MEGF10: variants seen among roughly 807,000 people sequenced by gnomAD.
MEGF10 encodes multiple EGF like domains 10, also known as multiple epidermal growth factor-like domains protein 10.
Under a neutral mutation model 147.5 loss-of-function variants are expected in MEGF10, and 86 were observed. The ratio of observed to expected loss-of-function variants is 0.58; its 90% CI spans 0.49 to 0.70. The LOEUF is 0.70. MEGF10 is among the 30% of genes least tolerant of loss of function. The pLI is 0.00. For missense variants in MEGF10, 1,329 were observed against 1,487.3 expected (o/e 0.89, Z 1.75); for synonymous variants, 478 against 525.5 (o/e 0.91, Z 1.24).
At chr5:127,370,051 G>T (rs778842943) in intron 5 of MEGF10, 49 bp downstream of exon 5, 1 of 1,441,058 alleles carries the variant, frequency 6.9e-7, no homozygotes, top group Non-Finnish European at 9.7e-7. Flanking sequence ...TTGCTGTAAG[G>T]CCCTCCTTGT....
At chr5:127,318,296 G>T (rs1428245816) in intron 1 of MEGF10, among the ~76,000 whole-genome samples, 2 of 152,162 alleles carry the variant, frequency 1.3e-5, no homozygotes, top group East Asian at 3.9e-4. Context: ...TATGGCACTA[G>T]GTTGTAGCAG....
intron 4 of MEGF10, among the ~76,000 whole-genome samples, chr5:127,344,176 T>A (rs1268963858): frequency 1.3e-5 from 2 of 152,180 alleles, no homozygotes; most frequent in African/African-American, 2.4e-5. Context: ...ACCAGTGAGC[T>A]AGACCCTAAA....
At position 127,400,954 on chromosome 5, in the gene MEGF10, A is replaced by G. The variant is rs983539346; in HGVS notation, c.781-1592A>G. 3.9e-5 allele frequency among the ~76,000 whole-genome samples: 6 copies of G among 152,240 alleles called. 1 individual carries two copies. Among genetic ancestry groups the G allele is most frequent in the Admixed American group, 3.9e-4 (6 of 15,288 alleles). The stretch of plus-strand genomic sequence containing the variant: ...CTGTCATCCTAGGTGCTTTTCAAAG[A>G]TGAATATATATTCCTATAGACACAC... On this transcript the variant is annotated intron_variant, in intron 7 of 24. Transcript: ENST00000503335.
At chr5:127,305,662 C>G (rs1049379393) in intron 1 of MEGF10, among the ~76,000 whole-genome samples, 1 of 152,112 alleles carries the variant, frequency 6.6e-6, no homozygotes, top group African/African-American at 2.4e-5. Flanking sequence ...ATGTGGAGCT[C>G]TGCCAAGCTA....
At chr5:127,301,389 C>G (rs186547783) in intron 1 of MEGF10, among the ~76,000 whole-genome samples, 53 of 151,600 alleles carry the variant, frequency 3.5e-4, no homozygotes, top group Non-Finnish European at 6.3e-4. Flanking sequence ...AAAATAGGAG[C>G]ATTTTTTTTT....
At chr5:127,397,098 A>G (rs1763946257) in intron 6 of MEGF10, among the ~76,000 whole-genome samples, 2 of 151,958 alleles carry the variant, frequency 1.3e-5, no homozygotes, top group African/African-American at 4.8e-5. Flanking sequence ...CATATTTGGG[A>G]TTCTGTTTGG....
chr5:127,359,593 C>A (rs759177972), intron 4 of MEGF10, among the ~76,000 whole-genome samples: 1 of 152,030 alleles, frequency 6.6e-6, no homozygotes, highest in Non-Finnish European at 1.5e-5. Context: ...TAGATTGCTT[C>A]GTATTTTCTA....
intron 1 of MEGF10, among the ~76,000 whole-genome samples, chr5:127,330,054 CTA>C (rs1761193591): frequency 6.6e-6 from 1 of 152,158 alleles, no homozygotes; most frequent in Non-Finnish European, 1.5e-5. Flanking sequence ...AGGAGGGCTT[CTA>C]TGAGTCCCAT....
At position 127,426,625 on chromosome 5, in the gene MEGF10, G is replaced by T. The variant is rs191917608; in HGVS notation, c.1693+3853G>T. Among the ~76,000 whole-genome samples, 86 of 152,260 alleles carry T rather than the reference G, an allele frequency of 5.6e-4. 1 individual carries two copies. Among genetic ancestry groups the T allele is most frequent in the Non-Finnish European group, 8.1e-4 (55 of 68,018 alleles). On this transcript the variant is annotated intron_variant, in intron 13 of 24. Coordinates refer to ENST00000503335, the MANE Select transcript of MEGF10 (RefSeq NM_001256545.2). ...TAAAATGAGGCTCGCTTTTCAAAAT[G>T]ATTATACTGAAATTTCAGATGTCAA...
At chr5:127,285,562 A>G in the MEGF10 span, among the ~76,000 whole-genome samples, 1 of 152,116 alleles carries the variant, frequency 6.6e-6, no homozygotes. Flanking sequence ...TAGTAAGGAA[A>G]TAGAAGACTT....
At chr5:127,285,301 G>A in the MEGF10 span, among the ~76,000 whole-genome samples, 3 of 152,150 alleles carry the variant, frequency 2.0e-5, no homozygotes, top group African/African-American at 7.2e-5. Context: ...AAGATGGACT[G>A]CATATACAAA....
chr5:127,373,504 T>C (rs1338364401), intron 5 of MEGF10, among the ~76,000 whole-genome samples: 1 of 152,178 alleles, frequency 6.6e-6, no homozygotes, highest in Non-Finnish European at 1.5e-5. Flanking sequence ...GCTTTCTTAC[T>C]TTCTGGTGCT....
At chr5:127,329,508 GTTGT>G (rs1398602189) in intron 1 of MEGF10, among the ~76,000 whole-genome samples, 1 of 151,940 alleles carries the variant, frequency 6.6e-6, no homozygotes, top group Non-Finnish European at 1.5e-5. Context: ...ATTTCCTAAA[GTTGT>G]TTGTTTTTTG....
intron 16 of MEGF10, among the ~76,000 whole-genome samples, chr5:127,436,570 A>C (rs970115183): frequency 4.6e-5 from 7 of 152,214 alleles, no homozygotes; most frequent in African/African-American, 1.2e-4. Flanking sequence ...GGAAGAGTAA[A>C]AGGTCCAATA....
chr5:127,396,577 A>G lies in MEGF10; in HGVS notation c.458A>G (p.Gln153Arg). The G allele has an allele frequency of 6.3e-7, 1 of 1,598,830 alleles. No homozygotes were observed. The highest frequency in any genetic ancestry group is 8.5e-7 in the Non-Finnish European group (1 of 1,169,866). ...HWGPHCTSRC[Q>R]CKNGALCNPI... is the part of the protein sequence containing the mutation. The stretch of plus-strand genomic sequence containing the variant: ...GGTCCCCACTGCACCAGCCGGTGCC[A>G]GTGCAAAAATGGGGCTCTGTGCAAC... Residue 153 changes from glutamine (Q) to arginine (R), a missense_variant, in exon 6 of 25, where the codon CAG becomes CGG. By Grantham distance (43) the Gln-to-Arg change is conservative (BLOSUM62 1). Coordinates refer to ENST00000503335, the MANE Select transcript of MEGF10 (RefSeq NM_001256545.2).
chr5:127,245,448 A>G, the MEGF10 span, among the ~76,000 whole-genome samples: 94 of 152,340 alleles, frequency 6.2e-4, no homozygotes, highest in African/African-American at 2.2e-3. Flanking sequence ...ACCTTATACA[A>G]AAATGAACTC....
chr5:127,422,562 T>C, intron 12 of MEGF10, 108 bp from the exon 13 acceptor site: 1 of 775,576 alleles, frequency 1.3e-6, no homozygotes, highest in Non-Finnish European at 2.2e-6. Context: ...AAGAAGCGTT[T>C]GGGACAGCAG....
At chr5:127,403,556 T>A (rs972687265) in intron 8 of MEGF10, among the ~76,000 whole-genome samples, 2 of 152,180 alleles carry the variant, frequency 1.3e-5, no homozygotes, top group African/African-American at 2.4e-5. Context: ...ATTTTTTTTG[T>A]ACCCATTAAC....
intron 15 of MEGF10, 46 bp from the exon 16 acceptor site, chr5:127,435,315 G>T: frequency 6.2e-7 from 1 of 1,608,264 alleles, no homozygotes; most frequent in Non-Finnish European, 8.5e-7. Flanking sequence ...AGGGTTCTGC[G>T]AGAGGGGTTT....
Sources: allele counts gnomAD v4.1 joint callset (sites outside exome capture counted in the v4.1 genomes callset), GRCh38; gene constraint gnomAD v4.1.1; transcripts MANE v1.5; gene names NCBI Gene and HGNC (gene_info 2026-07-23, HGNC 2026-07-21).